SNTG1: variants seen among roughly 807,000 people sequenced by gnomAD.
SNTG1 encodes the protein syntrophin gamma 1.
A neutral mutation model predicts 74.7 loss-of-function variants in SNTG1; 39 were observed. The ratio of observed to expected loss-of-function variants is 0.52; its 90% CI spans 0.40 to 0.68. The LOEUF (loss-of-function observed/expected upper bound fraction) is 0.68. SNTG1 is among the 30% of genes least tolerant of loss of function. SNTG1 has a pLI of 0.00. For synonymous variants in SNTG1, 254 were observed against 217.1 expected (o/e 1.17, Z -1.49); for missense variants, 685 against 609.5 (o/e 1.12, Z -1.30).
At chr8:50,460,747 T>C (rs1469828260) in intron 8 of SNTG1, among the ~76,000 whole-genome samples, 1 of 152,100 alleles carries the variant, frequency 6.6e-6, no homozygotes, top group Non-Finnish European at 1.5e-5. Flanking sequence ...AGGGAGTCCT[T>C]TCTTGATTGT....
chr8:50,316,439 T>A (rs1005817610), intron 2 of SNTG1, among the ~76,000 whole-genome samples: 8 of 152,184 alleles, frequency 5.3e-5, no homozygotes, highest in African/African-American at 7.2e-5. Flanking sequence ...GTTACCATTT[T>A]AAAATATGAC....
chr8:50,074,672 A>G (rs189234664), intron 1 of SNTG1, among the ~76,000 whole-genome samples: 44 of 152,358 alleles, frequency 2.9e-4, no homozygotes, highest in African/African-American at 1.0e-3. Context: ...TAATATTGCT[A>G]GAATTACCAA....
chr8:50,265,282 C>G (rs2087405425), intron 2 of SNTG1, among the ~76,000 whole-genome samples: 1 of 152,008 alleles, frequency 6.6e-6, no homozygotes, highest in African/African-American at 2.4e-5. Context: ...TATTCCACAA[C>G]CCGGTATCAC....
In SNTG1 at chr8:50,180,750, C is replaced by CTTTT. The variant is rs60630226; in HGVS notation, c.-28+8141_-28+8144dup. On this transcript the variant is annotated intron_variant, in intron 2 of 18. Transcript: ENST00000642720. ...TGCGTTTCCCACCAGATTGTGAAGC[C>CTTTT]TTTTTTTTTTTTTTTTTTTTTTTTT... 7.7e-4 allele frequency among the ~76,000 whole-genome samples: 62 copies of CTTTT among 80,664 alleles called. 3 individuals carry two copies. The highest frequency in any genetic ancestry group is 3.9e-3 in the African/African-American group (60 of 15,564). 52.9% of individuals were successfully genotyped at this position (80,664 alleles called of 152,430 possible).
intron 17 of SNTG1, among the ~76,000 whole-genome samples, chr8:50,711,573 G>A (rs1364061374): frequency 6.6e-6 from 1 of 152,160 alleles, no homozygotes. Context: ...GGGAATGAGA[G>A]TCGGCATGAT....
At chr8:50,789,476 C>CT (rs1334545323) in intron 18 of SNTG1, among the ~76,000 whole-genome samples, 1 of 151,926 alleles carries the variant, frequency 6.6e-6, no homozygotes, top group Non-Finnish European at 1.5e-5. Context: ...AGCTGAACTT[C>CT]TATTCTGAAC....
chr8:50,154,036 T>A (rs973765831), intron 1 of SNTG1, among the ~76,000 whole-genome samples: 7 of 152,206 alleles, frequency 4.6e-5, no homozygotes, highest in Non-Finnish European at 1.0e-4. Context: ...CTCCTTGAGC[T>A]GAGGTGGGCT....
At chr8:50,488,221 G>GT (rs112139101) in intron 8 of SNTG1, among the ~76,000 whole-genome samples, 5 of 151,870 alleles carry the variant, frequency 3.3e-5, no homozygotes, top group Admixed American at 6.6e-5. Flanking sequence ...AGTAAAATAG[G>GT]TTTTTTTTAA....
chr8:50,433,973 C>T (rs2093272767), intron 4 of SNTG1, among the ~76,000 whole-genome samples: 1 of 152,114 alleles, frequency 6.6e-6, no homozygotes, highest in South Asian at 2.1e-4. Context: ...ATGTGCCATG[C>T]TGGTGTGCTG....
At chr8:50,520,642 A>T (rs534939163) in intron 9 of SNTG1, among the ~76,000 whole-genome samples, 35 of 152,356 alleles carry the variant, frequency 2.3e-4, no homozygotes, top group African/African-American at 7.2e-4. Flanking sequence ...AAAAGAAGAC[A>T]TCTATGCAGC....
At chr8:50,067,844 C>T (rs918504839) in intron 1 of SNTG1, among the ~76,000 whole-genome samples, 4 of 152,278 alleles carry the variant, frequency 2.6e-5, no homozygotes, top group African/African-American at 4.8e-5. Context: ...CTGCAGTACT[C>T]GGGCACACAG....
chr8:50,455,494 G>T (rs2131647082), intron 8 of SNTG1, among the ~76,000 whole-genome samples: 2 of 152,142 alleles, frequency 1.3e-5, no homozygotes, highest in South Asian at 4.1e-4. Context: ...AGAACAGACT[G>T]AGTAACTAAA....
intron 9 of SNTG1, among the ~76,000 whole-genome samples, chr8:50,520,955 A>C (rs1389547616): frequency 6.6e-6 from 1 of 152,206 alleles, no homozygotes; most frequent in Non-Finnish European, 1.5e-5. Context: ...TCTTTCTACT[A>C]TAAGGACATA....
At chr8:49,912,416 T>C (rs1805658744) in intron 1 of SNTG1, among the ~76,000 whole-genome samples, 185 bp downstream of exon 1, 1 of 152,210 alleles carries the variant, frequency 6.6e-6, no homozygotes, top group African/African-American at 2.4e-5. Flanking sequence ...ACATGTTGCC[T>C]TACATAATTA....
chr8:50,395,756 C>T (rs1003661968), intron 3 of SNTG1, among the ~76,000 whole-genome samples: 1 of 152,104 alleles, frequency 6.6e-6, no homozygotes, highest in African/African-American at 2.4e-5. Flanking sequence ...CGTGATCCAC[C>T]CGACTCGGCC....
chr8:49,967,747 A>G (rs1451372613), intron 1 of SNTG1, among the ~76,000 whole-genome samples: 1 of 152,230 alleles, frequency 6.6e-6, no homozygotes, highest in African/African-American at 2.4e-5. Flanking sequence ...AAGTGAGATT[A>G]AAGCAGTGAA....
intron 2 of SNTG1, among the ~76,000 whole-genome samples, chr8:50,220,742 G>C (rs983326333): frequency 6.6e-6 from 1 of 152,192 alleles, no homozygotes; most frequent in African/African-American, 2.4e-5. Context: ...CTTGTTTCTA[G>C]TTTTCTTAAG....
At chr8:50,790,028 C>G (rs1278340706) in intron 18 of SNTG1, among the ~76,000 whole-genome samples, 7 of 151,988 alleles carry the variant, frequency 4.6e-5, no homozygotes, top group Non-Finnish European at 1.0e-4. Flanking sequence ...TCCCCACAAA[C>G]ATGGAAATGG....
intron 5 of SNTG1, among the ~76,000 whole-genome samples, chr8:50,446,235 C>A (rs1255677388): frequency 6.6e-6 from 1 of 152,196 alleles, no homozygotes; most frequent in Non-Finnish European, 1.5e-5. Context: ...GAGCTGCTCA[C>A]ATTTTCTCCA....
Sources: gnomAD v4.1 joint callset for allele counts (sites outside exome capture counted in the v4.1 genomes callset) on GRCh38, gnomAD v4.1.1 for gene constraint, MANE v1.5 for transcripts, NCBI Gene and HGNC (gene_info 2026-07-23, HGNC 2026-07-21) for gene names.